ADAMTS12: variants seen among roughly 807,000 people sequenced by gnomAD.
ADAMTS12 encodes A disintegrin and metalloproteinase with thrombospondin motifs 12.
Under a neutral mutation model 167.8 loss-of-function variants are expected in ADAMTS12, and 118 were observed. The ratio of observed to expected loss-of-function variants is 0.70; its 90% CI spans 0.61 to 0.82. The LOEUF (loss-of-function observed/expected upper bound fraction) is 0.82. ADAMTS12 is among the 40% of genes least tolerant of loss of function. The probability of loss-of-function intolerance (pLI) is 0.00; values close to 1 mark genes in which losing one functional copy is unlikely to be tolerated. For synonymous variants in ADAMTS12, 704 were observed against 716.9 expected, an observed-to-expected ratio of 0.98 and a Z score of 0.29; for missense variants, 1,916 against 1,998.8, an observed-to-expected ratio of 0.96 and a Z score of 0.79.
rs564047148 is a variant in ADAMTS12, at chr5:33,734,472, G to C, written c.634+16932C>G. The stretch of plus-strand genomic sequence containing the variant: ...ACCAGCTGGAGTTGTAGTTACCCCA[G>C]GTTTTTAAGTCACAATTGTGAATTA... On this transcript the variant is annotated intron_variant, in intron 3 of 23. Transcript: ENST00000504830. 5.4e-4 allele frequency among the ~76,000 whole-genome samples: 82 copies of C among 152,186 alleles called. 2 individuals are homozygous for C. The South Asian group carries it at 0.017, about 31-fold the overall frequency.
chr5:33,602,147 C>T (rs1025823799), intron 16 of ADAMTS12, among the ~76,000 whole-genome samples: 1 of 152,160 alleles, frequency 6.6e-6, no homozygotes, highest in Non-Finnish European at 1.5e-5. Flanking sequence ...TGAGAAATTC[C>T]AGGCAACTGC....
intron 2 of ADAMTS12, among the ~76,000 whole-genome samples, chr5:33,766,095 C>T (rs1745520006): frequency 6.6e-6 from 1 of 152,170 alleles, no homozygotes; most frequent in African/African-American, 2.4e-5. Flanking sequence ...TTAATCTTCT[C>T]TCCAGGAGGT....
intron 3 of ADAMTS12, among the ~76,000 whole-genome samples, chr5:33,709,210 C>T (rs1372941307): frequency 6.6e-6 from 1 of 152,108 alleles, no homozygotes; most frequent in Non-Finnish European, 1.5e-5. Flanking sequence ...ACAACAGATG[C>T]TGGTGAGGCT....
chr5:33,654,906 G>GTGTA (rs2112203532), intron 7 of ADAMTS12, among the ~76,000 whole-genome samples: 1 of 151,028 alleles, frequency 6.6e-6, no homozygotes, highest in Non-Finnish European at 1.5e-5. Flanking sequence ...GTGTGTGTGT[G>GTGTA]TGTGTATTTC....
chr5:33,590,851 C>T (rs1407112970), intron 17 of ADAMTS12, among the ~76,000 whole-genome samples: 1 of 151,152 alleles, frequency 6.6e-6, no homozygotes, highest in African/African-American at 2.4e-5. Flanking sequence ...ACTAAAACAG[C>T]TTAGTCTTAG....
At chr5:33,699,088 C>A (rs137980734) in intron 3 of ADAMTS12, among the ~76,000 whole-genome samples, 195 of 152,088 alleles carry the variant, frequency 1.3e-3, no homozygotes, top group African/African-American at 4.6e-3. Flanking sequence ...ATCCAGGAGG[C>A]GGAGGTTGCA....
intron 2 of ADAMTS12, among the ~76,000 whole-genome samples, chr5:33,796,902 C>A (rs1480385579): frequency 6.6e-6 from 1 of 152,092 alleles, no homozygotes; most frequent in Non-Finnish European, 1.5e-5. Context: ...CTAAGTCCAG[C>A]CTTTGGGAAT....
intron 2 of ADAMTS12, among the ~76,000 whole-genome samples, chr5:33,852,599 G>A (rs1749255645): frequency 6.6e-6 from 1 of 152,112 alleles, no homozygotes; most frequent in South Asian, 2.1e-4. Flanking sequence ...CAATTTAATT[G>A]CAGAACTATG....
At chr5:33,555,579 C>T (rs112689656) in intron 20 of ADAMTS12, among the ~76,000 whole-genome samples, 11 of 152,232 alleles carry the variant, frequency 7.2e-5, no homozygotes, top group African/African-American at 9.6e-5. Flanking sequence ...ATTCTGAAAC[C>T]GGCATGTGTC....
intron 20 of ADAMTS12, among the ~76,000 whole-genome samples, chr5:33,550,365 C>T (rs1460764868): frequency 6.6e-6 from 1 of 152,194 alleles, no homozygotes; most frequent in Non-Finnish European, 1.5e-5. Flanking sequence ...TTGCCATAGG[C>T]CTTCTGCTTA....
intron 22 of ADAMTS12, among the ~76,000 whole-genome samples, chr5:33,544,196 C>G (rs1561113902): frequency 6.6e-6 from 1 of 152,174 alleles, no homozygotes; most frequent in Non-Finnish European, 1.5e-5. Context: ...GCAAAAATCA[C>G]AAGCATTCTT....
chr5:33,596,982 C>T (rs554773112), intron 16 of ADAMTS12, among the ~76,000 whole-genome samples: 1 of 152,240 alleles, frequency 6.6e-6, no homozygotes, highest in Admixed American at 6.5e-5. Flanking sequence ...AAGCCTTGTC[C>T]CAGGCACTGT....
rs558798614 is a variant in ADAMTS12 at position 33,852,831 on chromosome 5, C to G, written c.489+28288G>C. 1.2e-3 allele frequency among the ~76,000 whole-genome samples: 187 copies of G among 152,268 alleles called. 1 individual carries two copies. The highest frequency in any genetic ancestry group is 4.3e-3 in the African/African-American group (178 of 41,552). On this transcript the variant is annotated intron_variant, in intron 2 of 23. Transcript: ENST00000504830. ...TTCAGTATTTGATTATTTGAAAGGG[C>G]TTAAAAGCAAATAACAGGTATCATC...
intron 3 of ADAMTS12, among the ~76,000 whole-genome samples, chr5:33,731,077 G>C (rs1477962918): frequency 6.6e-6 from 1 of 152,182 alleles, no homozygotes; most frequent in Non-Finnish European, 1.5e-5. Flanking sequence ...AGGGATGTTT[G>C]TAGAGGATTT....
intron 2 of ADAMTS12, among the ~76,000 whole-genome samples, chr5:33,868,786 T>A (rs1415741146): frequency 6.6e-6 from 1 of 152,200 alleles, no homozygotes; most frequent in Non-Finnish European, 1.5e-5. Context: ...TTTGCAAAAA[T>A]TTTTTAGCTC....
At chr5:33,862,639 T>C (rs958922044) in intron 2 of ADAMTS12, among the ~76,000 whole-genome samples, 2 of 152,218 alleles carry the variant, frequency 1.3e-5, no homozygotes, top group Non-Finnish European at 2.9e-5. Context: ...TAGCACATTT[T>C]CTGAAACTAT....
At chr5:33,603,301 A>G (rs1168043053) in intron 16 of ADAMTS12, 1 of 152,214 alleles carries the variant, frequency 6.6e-6, no homozygotes, top group Non-Finnish European at 1.5e-5. Context: ...ATATTTTCTT[A>G]TAAGGAGTCC....
intron 3 of ADAMTS12, among the ~76,000 whole-genome samples, chr5:33,693,742 C>G (rs1176482776): frequency 6.6e-6 from 1 of 152,120 alleles, no homozygotes; most frequent in Middle Eastern, 3.2e-3. Flanking sequence ...GAAGCATTCC[C>G]CTTGAGAACC....
At chr5:33,702,569 A>G (rs1743040598) in intron 3 of ADAMTS12, among the ~76,000 whole-genome samples, 3 of 152,240 alleles carry the variant, frequency 2.0e-5, no homozygotes, top group African/African-American at 7.2e-5. Flanking sequence ...AATGAGCTTC[A>G]AATGAACTGG....
Sources: allele counts gnomAD v4.1 joint callset (sites outside exome capture counted in the v4.1 genomes callset), GRCh38; gene constraint gnomAD v4.1.1; transcripts MANE v1.5; gene names NCBI Gene and HGNC (gene_info 2026-07-23, HGNC 2026-07-21).